ASB3: variants seen among roughly 807,000 people sequenced by gnomAD.
ASB3 encodes ankyrin repeat and SOCS box protein 3.
ASB3 carries 41 observed loss-of-function variants against 54.5 expected under a neutral mutation model. The ratio of observed to expected loss-of-function variants is 0.75; its 90% CI spans 0.59 to 0.98. The LOEUF (loss-of-function observed/expected upper bound fraction) is 0.98. Ranked by LOEUF, ASB3 falls within the 50% of genes least tolerant of loss-of-function variation. The probability of loss-of-function intolerance (pLI) is 0.00; values close to 1 mark genes in which losing one functional copy is unlikely to be tolerated. For synonymous variants in ASB3, 266 were observed against 221.2 expected, an observed-to-expected ratio of 1.20 and a Z score of -1.80; for missense variants, 733 against 620.0, an observed-to-expected ratio of 1.18 and a Z score of -1.94.
At chr2:53,683,307 G>T (rs528923507) in intron 9 of ASB3, among the ~76,000 whole-genome samples, 1 of 152,126 alleles carries the variant, frequency 6.6e-6, no homozygotes, top group Non-Finnish European at 1.5e-5. Context: ...GCATCCCTGG[G>T]ATAGATTCCA....
At chr2:53,779,177 T>C (rs1331820041) in intron 1 of ASB3, among the ~76,000 whole-genome samples, 1 of 152,248 alleles carries the variant, frequency 6.6e-6, no homozygotes, top group Non-Finnish European at 1.5e-5. Flanking sequence ...GCCATTTGTA[T>C]GTCTTCTTTT....
chr2:53,723,572 A>G (rs1029946531), intron 5 of ASB3, among the ~76,000 whole-genome samples: 4 of 152,178 alleles, frequency 2.6e-5, no homozygotes, highest in African/African-American at 4.8e-5. Flanking sequence ...TTACAGAATT[A>G]GAAAAAAAAT....
At chr2:53,762,527 A>T (rs1673201723) in intron 2 of ASB3, among the ~76,000 whole-genome samples, 1 of 152,218 alleles carries the variant, frequency 6.6e-6, no homozygotes, top group African/African-American at 2.4e-5. Context: ...TTTAACATGA[A>T]CTAATAAAAA....
chr2:53,679,305 T>C (rs1178558315), intron 9 of ASB3, among the ~76,000 whole-genome samples: 1 of 152,130 alleles, frequency 6.6e-6, no homozygotes, highest in Non-Finnish European at 1.5e-5. Context: ...TCTCAATTGG[T>C]TTCCCACAGC....
At chr2:53,672,287 T>C (rs1667860937) in intron 9 of ASB3, among the ~76,000 whole-genome samples, 1 of 152,226 alleles carries the variant, frequency 6.6e-6, no homozygotes, top group Admixed American at 6.5e-5. Flanking sequence ...TTACAGTATC[T>C]ATAGTATATA....
intron 3 of ASB3, among the ~76,000 whole-genome samples, chr2:53,745,168 T>C (rs1244716522): frequency 6.6e-6 from 1 of 152,182 alleles, no homozygotes; most frequent in Non-Finnish European, 1.5e-5. Flanking sequence ...TATCTTTATT[T>C]CCAAAGCAGT....
intron 9 of ASB3, among the ~76,000 whole-genome samples, chr2:53,692,469 T>C (rs1342990500): frequency 6.6e-6 from 1 of 152,142 alleles, no homozygotes; most frequent in Non-Finnish European, 1.5e-5. Flanking sequence ...AGAAAGGTTT[T>C]CTTGAATCTT....
In ASB3 at chr2:53,739,002, C is replaced by A. The variant is rs554517300; in HGVS notation, c.356-9432G>T. On this transcript the variant is annotated intron_variant, in intron 3 of 9. Transcript: ENST00000263634. Reference sequence around the variant, plus strand: ...AAGCCAGAACCTCTGAGGGTAGGAACACTGCTTTTCCCACAATGGATCATA... The same window carrying A: ...AAGCCAGAACCTCTGAGGGTAGGAAAACTGCTTTTCCCACAATGGATCATA... 3.3e-5 allele frequency among the ~76,000 whole-genome samples: 5 copies of A among 152,270 alleles called. No individual in the cohort carries two copies. In the South Asian group the frequency reaches 1.0e-3, roughly 32 times the overall value.
chr2:53,699,805 T>G (rs1359138935), intron 8 of ASB3, among the ~76,000 whole-genome samples: 3 of 152,174 alleles, frequency 2.0e-5, no homozygotes, highest in African/African-American at 7.2e-5. Flanking sequence ...TCTGAGGAAC[T>G]ACCTGAAGTA....
chr2:53,743,669 C>T (rs1042024298), intron 3 of ASB3, among the ~76,000 whole-genome samples: 2 of 152,102 alleles, frequency 1.3e-5, no homozygotes, highest in Non-Finnish European at 2.9e-5. Flanking sequence ...AATAAAATAA[C>T]ACATTATATA....
In ASB3 at chr2:53,700,443, C is replaced by T. The variant is rs1669425079; in HGVS notation, c.1066G>A (p.Glu356Lys). 6 of 1,614,080 alleles carry T rather than the reference C, an allele frequency of 3.7e-6. No homozygotes were observed. The highest frequency in any genetic ancestry group is 2.2e-5 in the East Asian group (1 of 44,864). The change falls in exon 8 of 10, where the codon GAG becomes AAG. Residue 356 changes from glutamate (E) to lysine (K), a missense_variant. Transcript: ENST00000263634. ...AAGTAGCGAAATATCGAAAACTTCT[C>T]GTACTTCAGGCAGTATGCCAAATGA... ...ELHLAYCLKY[E>K]KFSIFRYFLR...
chr2:53,767,976 G>A, intron 1 of ASB3: 2 of 1,614,102 alleles, frequency 1.2e-6, no homozygotes, highest in Non-Finnish European at 1.7e-6. Context: ...ACTACAGCAG[G>A]CGCTTCTGGC....
At chr2:53,706,077 T>C (rs900736170) in intron 7 of ASB3, among the ~76,000 whole-genome samples, 1 of 152,170 alleles carries the variant, frequency 6.6e-6, no homozygotes, top group African/African-American at 2.4e-5. Context: ...CATTTGATCC[T>C]CAAAATAATT....
chr2:53,735,871 A>G (rs886104842), intron 3 of ASB3, among the ~76,000 whole-genome samples: 4 of 152,152 alleles, frequency 2.6e-5, no homozygotes, highest in African/African-American at 9.7e-5. Flanking sequence ...GACAAAGGTG[A>G]CAATGGTTTT....
Position 53,700,487 on chromosome 2 carries a change from C to T in ASB3, c.1022G>A (p.Gly341Glu). The change falls in exon 8 of 10, where the codon GGA becomes GAA. Residue 341 changes from glycine to glutamate, a missense_variant. Physicochemically the swap from Gly to Glu is moderately conservative, Grantham distance 98 (BLOSUM62 -2). Coordinates refer to ENST00000263634, the MANE Select transcript of ASB3 (RefSeq NM_016115.5). The stretch of plus-strand genomic sequence containing the variant: ...CAAATGAAGTTCATTTATCTGGGCT[C>T]CATATTTCAAAAGAATGTTCACAAT... ...FGIVNILLKY[G>E]AQINELHLAY... 6.2e-7 allele frequency: 1 copy of T among 1,613,298 alleles called. No individual in the cohort carries two copies. Among genetic ancestry groups the T allele is most frequent in the African/African-American group, 1.3e-5 (1 of 74,978 alleles).
Position 53,716,751 on chromosome 2 carries a change from T to C in ASB3, c.605-8A>G. On this transcript the variant is annotated splice_polypyrimidine_tract_variant and splice_region_variant and intron_variant, in intron 5 of 9. Transcript: ENST00000263634. ...GACAATTGACATTTGCACCTAAGGG[T>C]ACAAAATAAAACATTTAACAGATAA... 3 of 1,605,932 alleles carry C rather than the reference T, an allele frequency of 1.9e-6. No individual in the cohort carries two copies. The highest frequency in any genetic ancestry group is 2.6e-6 in the Non-Finnish European group (3 of 1,175,028).
intron 9 of ASB3, among the ~76,000 whole-genome samples, chr2:53,687,011 C>T (rs1214933677): frequency 6.6e-6 from 1 of 152,180 alleles, no homozygotes; most frequent in East Asian, 1.9e-4. Flanking sequence ...TGAGCCATGG[C>T]GCCTGGCCAA....
chr2:53,733,459 TA>T (rs1249988532), intron 3 of ASB3, among the ~76,000 whole-genome samples: 1 of 143,868 alleles, frequency 7.0e-6, no homozygotes, highest in Non-Finnish European at 1.5e-5. Context: ...TTTTTTTTTT[TA>T]AGATGGATTC....
chr2:53,742,944 C>T (rs992784273), intron 3 of ASB3, among the ~76,000 whole-genome samples: 5 of 152,116 alleles, frequency 3.3e-5, no homozygotes, highest in African/African-American at 4.8e-5. Flanking sequence ...TGAAAGGACA[C>T]ACACTGTGTC....
Sources: allele counts gnomAD v4.1 joint callset (sites outside exome capture counted in the v4.1 genomes callset), GRCh38; gene constraint gnomAD v4.1.1; transcripts MANE v1.5; gene names NCBI Gene and HGNC (gene_info 2026-07-23, HGNC 2026-07-21).